Variants in GABPB2 observed in about 807,000 individuals in gnomAD.
GABPB2 encodes the protein GA-binding protein subunit beta-2.
A neutral mutation model predicts 39.1 loss-of-function variants in GABPB2; 23 were observed. That is an observed-to-expected ratio of 0.59 (90% confidence interval 0.42 to 0.83). GABPB2 has a LOEUF of 0.83. Among genes scored for constraint, GABPB2 ranks in the 40% least tolerant of loss-of-function variants. The pLI is 0.00. For synonymous variants in GABPB2, 184 were observed against 199.3 expected (o/e 0.92, Z 0.65); for missense variants, 467 against 541.1 (o/e 0.86, Z 1.36).
chr1:151,099,885 A>C (rs890569941), intron 5 of GABPB2, among the ~76,000 whole-genome samples: 6 of 152,208 alleles, frequency 3.9e-5, no homozygotes, highest in Admixed American at 3.3e-4. Flanking sequence ...GAGAATTTGT[A>C]TTTCAAGGTC....
At chr1:151,108,419 G>A (rs777733103) in intron 7 of GABPB2, among the ~76,000 whole-genome samples, 18 of 152,106 alleles carry the variant, frequency 1.2e-4, no homozygotes, top group African/African-American at 2.4e-4. Context: ...TGATCCTCCC[G>A]CCTAAGCCTC....
Position 151,118,278 on chromosome 1 carries a change from A to G in GABPB2, c.*22A>G. On this transcript the variant is annotated 3_prime_UTR_variant, in exon 9 of 9. Coordinates refer to ENST00000368918, the MANE Select transcript of GABPB2 (RefSeq NM_144618.3). Reference sequence around the variant, plus strand: ...TTAATATGCAAGGGCCACAATTTGCACTGTGTTCATATTAATCCTCTTTTA... The same window carrying G: ...TTAATATGCAAGGGCCACAATTTGCGCTGTGTTCATATTAATCCTCTTTTA... The G allele has an allele frequency of 1.3e-6, 2 of 1,599,744 alleles. No homozygotes were observed.
intron 5 of GABPB2, among the ~76,000 whole-genome samples, chr1:151,099,410 A>G (rs1194679093): frequency 1.3e-5 from 2 of 151,964 alleles, no homozygotes; most frequent in Non-Finnish European, 1.5e-5. Context: ...GTTAGCCAGG[A>G]TGGTCTTGAT....
rs587594266 is a variant in GABPB2 at position 151,072,268 on chromosome 1, C to T, written c.-1+1334C>T. 2.0e-5 allele frequency among the ~76,000 whole-genome samples: 3 copies of T among 152,320 alleles called. No homozygotes were observed. The East Asian group carries it at 5.8e-4, about 29-fold the overall frequency. On this transcript the variant is annotated intron_variant, in intron 1 of 8. Transcript: ENST00000368918. The stretch of plus-strand genomic sequence containing the variant: ...CACACACTTATTGAAAGGTTTTGGC[C>T]GGGCGCAGTGGCTCACGCCTGTAAT...
intron 1 of GABPB2, among the ~76,000 whole-genome samples, chr1:151,080,552 A>AAAT (rs2101443714): frequency 6.8e-6 from 1 of 146,318 alleles, no homozygotes; most frequent in East Asian, 2.0e-4. Context: ...AATAAATAAA[A>AAAT]TAAAAAGGGT....
At chr1:151,110,929 A>G (rs587750729) in intron 7 of GABPB2, among the ~76,000 whole-genome samples, 10 of 152,248 alleles carry the variant, frequency 6.6e-5, no homozygotes, top group South Asian at 2.1e-4. Flanking sequence ...ATACAAACCA[A>G]TTTTTAAATC....
At chr1:151,100,033 G>C (rs964619778) in intron 5 of GABPB2, among the ~76,000 whole-genome samples, 1 of 152,008 alleles carries the variant, frequency 6.6e-6, no homozygotes, top group African/African-American at 2.4e-5. Context: ...AAATAATTTT[G>C]CATTCAGCAG....
Position 151,103,301 on chromosome 1 carries a change from G to A in GABPB2, c.623-261G>A, listed in dbSNP as rs143945196. Among the ~76,000 whole-genome samples the A allele has an allele frequency of 4.0e-3, 600 of 151,774 alleles. 2 individuals carry two copies. The highest frequency in any genetic ancestry group is 6.3e-3 in the Non-Finnish European group (429 of 67,942). On this transcript the variant is annotated intron_variant, in intron 5 of 8. Transcript: ENST00000368918. ...CCTGACCTCGTGATCCACCCGCCTCGGCCTCCCAAAGTGCTGGGATTACAG... is the reference window on the plus strand; with the variant it reads ...CCTGACCTCGTGATCCACCCGCCTCAGCCTCCCAAAGTGCTGGGATTACAG...
intron 1 of GABPB2, among the ~76,000 whole-genome samples, chr1:151,072,797 A>G (rs1190338837): frequency 6.6e-6 from 1 of 152,192 alleles, no homozygotes; most frequent in Non-Finnish European, 1.5e-5. Context: ...CAGTGAGACA[A>G]GATCGCGCCA....
chr1:151,098,963 A>G (rs1031952205), intron 5 of GABPB2, among the ~76,000 whole-genome samples: 1 of 151,852 alleles, frequency 6.6e-6, no homozygotes, highest in African/African-American at 2.4e-5. Context: ...GGGTGCCTGT[A>G]ATCCCAGCTA....
chr1:151,107,603 G>A lies in GABPB2; in HGVS notation c.922+381G>A, dbSNP rs1001871659. On this transcript the variant is annotated intron_variant, in intron 7 of 8. Coordinates refer to ENST00000368918, the MANE Select transcript of GABPB2 (RefSeq NM_144618.3). Reference sequence around the variant, plus strand: ...TGCAGGCTCCGCCTCCTGGGTTCACGCACCCGGGTTCACCGCGCCCGGCCC... The same window carrying A: ...TGCAGGCTCCGCCTCCTGGGTTCACACACCCGGGTTCACCGCGCCCGGCCC... Among the ~76,000 whole-genome samples, 3 of 151,266 alleles carry A rather than the reference G, an allele frequency of 2.0e-5. No homozygotes were observed. In the South Asian group the frequency reaches 6.2e-4, roughly 32 times the overall value.
intron 6 of GABPB2, 39 bp downstream of exon 6, chr1:151,103,714 T>G: frequency 7.5e-7 from 1 of 1,333,174 alleles, no homozygotes; most frequent in Admixed American, 1.7e-5. Context: ...TCACCACTTT[T>G]TCTTTTGTTT....
At chr1:151,101,610 G>A (rs1195437612) in intron 5 of GABPB2, among the ~76,000 whole-genome samples, 3 of 151,790 alleles carry the variant, frequency 2.0e-5, no homozygotes, top group Non-Finnish European at 4.4e-5. Flanking sequence ...AAAGAATACA[G>A]GAATAGCCAA....
intron 1 of GABPB2, among the ~76,000 whole-genome samples, chr1:151,078,272 GAA>G (rs749005394): frequency 8.4e-5 from 8 of 95,198 alleles, no homozygotes; most frequent in African/African-American, 1.3e-4. Flanking sequence ...ACTTCAACTC[GAA>G]AAAAAAAAAA....
chr1:151,098,708 G>C (rs924580020), intron 5 of GABPB2, among the ~76,000 whole-genome samples: 3 of 152,118 alleles, frequency 2.0e-5, no homozygotes, highest in Non-Finnish European at 4.4e-5. Flanking sequence ...TCTGAATAAA[G>C]TATAAGAGTC....
rs1031548354 is a variant in GABPB2 at position 151,124,208 on chromosome 1, C to T, written c.*5952C>T. The T allele has an allele frequency of 6.7e-6, 1 of 148,504 alleles. No individual in the cohort carries two copies. Among genetic ancestry groups the T allele is most frequent in the Admixed American group, 6.7e-5 (1 of 14,846 alleles). 9.2% of individuals were successfully genotyped at this position (148,504 alleles called of 1,614,324 possible). ...ACAGAGTCTCTCTCTGTCACCCAGG[C>T]TGGAGCGCAGTGGCATGATCTTGGC... On this transcript the variant is annotated 3_prime_UTR_variant, in exon 9 of 9. Transcript: ENST00000368918.
At chr1:151,113,933 T>C (rs1020459917) in intron 7 of GABPB2, among the ~76,000 whole-genome samples, 1 of 152,244 alleles carries the variant, frequency 6.6e-6, no homozygotes, top group African/African-American at 2.4e-5. Context: ...AGTTGTTGTT[T>C]GAATCAATAT....
intron 4 of GABPB2, among the ~76,000 whole-genome samples, chr1:151,095,590 G>A (rs1679038507): frequency 6.6e-6 from 1 of 152,136 alleles, no homozygotes; most frequent in African/African-American, 2.4e-5. Context: ...CCACGTAGCA[G>A]TACTACTCTT....
intron 1 of GABPB2, among the ~76,000 whole-genome samples, chr1:151,085,964 G>C (rs1249003390): frequency 6.6e-6 from 1 of 152,174 alleles, no homozygotes; most frequent in African/African-American, 2.4e-5. Context: ...GTAGAGAAGA[G>C]GCTGGGTGTG....
Sources: allele counts gnomAD v4.1 joint callset (sites outside exome capture counted in the v4.1 genomes callset), GRCh38; gene constraint gnomAD v4.1.1; transcripts MANE v1.5; gene names NCBI Gene and HGNC (gene_info 2026-07-23, HGNC 2026-07-21).